ZBTB49: variants seen among roughly 807,000 people sequenced by gnomAD.
ZBTB49 encodes zinc finger and BTB domain-containing protein 49.
Under a neutral mutation model 57.5 loss-of-function variants are expected in ZBTB49, and 43 were observed. The observed-to-expected ratio is 0.75, with a 90% CI of 0.59 to 0.97. The LOEUF (loss-of-function observed/expected upper bound fraction) is 0.97. Ranked by LOEUF, ZBTB49 falls within the 50% of genes least tolerant of loss-of-function variation. ZBTB49 has a pLI of 0.00. For missense variants in ZBTB49, 938 were observed against 947.7 expected (o/e 0.99, Z 0.13); for synonymous variants, 369 against 362.1 (o/e 1.02, Z -0.22).
chr4:4,310,511 A>ATTTT (rs66523167), intron 4 of ZBTB49, among the ~76,000 whole-genome samples: 8 of 141,358 alleles, frequency 5.7e-5, no homozygotes, highest in African/African-American at 7.8e-5. Context: ...ACTTGCTAGA[A>ATTTT]TTTTTTTTTT....
At chr4:4,291,071 C>G (rs1257181853) in intron 1 of ZBTB49, among the ~76,000 whole-genome samples, 1 of 152,196 alleles carries the variant, frequency 6.6e-6, no homozygotes, top group African/African-American at 2.4e-5. Flanking sequence ...GAAACCTTCA[C>G]TCCCAAGGTG....
At chr4:4,305,696 C>T (rs1720704131) in intron 3 of ZBTB49, among the ~76,000 whole-genome samples, 1 of 152,202 alleles carries the variant, frequency 6.6e-6, no homozygotes, top group Admixed American at 6.5e-5. Context: ...TTCAGGACGA[C>T]CCACTGTGTT....
In ZBTB49 at chr4:4,320,912, C is replaced by G; in HGVS notation, c.1894C>G (p.Leu632Val). 1 of 1,614,218 alleles carries G rather than the reference C, an allele frequency of 6.2e-7. No individual in the cohort carries two copies. Among genetic ancestry groups the G allele is most frequent in the Non-Finnish European group, 8.5e-7 (1 of 1,180,042 alleles). Residue 632 changes from leucine to valine, a missense_variant, in exon 8 of 8, where the codon CTC becomes GTC. By Grantham distance (32) the Leu-to-Val change is conservative (BLOSUM62 1). Coordinates refer to ENST00000337872, the MANE Select transcript of ZBTB49 (RefSeq NM_145291.4). ...GACGCTGATGCCAGTGTCGGTTAAA[C>G]TCCCTGTCCACCCAGTGGAAAATTC... is the stretch of plus-strand genomic sequence containing the variant. ...SVTLMPVSVK[L>V]PVHPVENSVA...
intron 7 of ZBTB49, among the ~76,000 whole-genome samples, chr4:4,317,128 T>C (rs1364264520): frequency 6.6e-6 from 1 of 152,186 alleles, no homozygotes; most frequent in Non-Finnish European, 1.5e-5. Flanking sequence ...TTTGTCCTCC[T>C]TCCCCAGCTA....
At chr4:4,308,637 C>G (rs147200797) in intron 4 of ZBTB49, among the ~76,000 whole-genome samples, 24 of 152,284 alleles carry the variant, frequency 1.6e-4, no homozygotes, top group African/African-American at 5.8e-4. Context: ...GAACAAGGAA[C>G]TGTTTTAATG....
rs759902511 is a variant in ZBTB49 at position 4,321,091 on chromosome 4, T to A, written c.2073T>A (p.Ala691=). 6.2e-7 allele frequency: 1 copy of A among 1,614,180 alleles called. No individual in the cohort carries two copies. Among genetic ancestry groups the A allele is most frequent in the Non-Finnish European group, 8.5e-7 (1 of 1,180,024 alleles). ...QMQQTQPQAY[A]YSDVDTPAGG... ...AGCAGACACAGCCTCAGGCCTATGCTTACTCGGATGTGGACACCCCAGCCG... is the reference window on the plus strand; with the variant it reads ...AGCAGACACAGCCTCAGGCCTATGCATACTCGGATGTGGACACCCCAGCCG... Residue 691 remains alanine, a synonymous_variant, in exon 8 of 8, where the codon GCT becomes GCA. Coordinates refer to ENST00000337872, the MANE Select transcript of ZBTB49 (RefSeq NM_145291.4).
intron 5 of ZBTB49, among the ~76,000 whole-genome samples, chr4:4,314,172 G>A (rs1284733393): frequency 5.3e-5 from 8 of 152,204 alleles, no homozygotes; most frequent in Non-Finnish European, 1.2e-4. Flanking sequence ...CTCCCTTTCT[G>A]CTGTAGCTAC....
chr4:4,293,770 A>C (rs563446736), intron 1 of ZBTB49, among the ~76,000 whole-genome samples: 4 of 152,206 alleles, frequency 2.6e-5, no homozygotes, highest in African/African-American at 9.7e-5. Flanking sequence ...CTCTGTCTCC[A>C]TGTGTTCTCT....
intron 3 of ZBTB49, among the ~76,000 whole-genome samples, chr4:4,305,167 A>AT (rs113170969): frequency 6.6e-6 from 1 of 150,836 alleles, no homozygotes; most frequent in African/African-American, 2.4e-5. Flanking sequence ...TTTATTATTA[A>AT]TATAAATATA....
In ZBTB49 at chr4:4,299,961, AC is replaced by A. The variant is rs1176350980; in HGVS notation, c.19del (p.His7ThrfsTer25). On this transcript the variant is annotated frameshift_variant, in exon 2 of 8. Transcript: ENST00000337872. LOFTEE classifies it high-confidence loss of function. MDPVA[T>X]HSCHLLQQLH... Reference sequence around the variant, plus strand: ...ATGGTTGAGCATGGACCCTGTTGCTACCCACAGCTGCCATCTGCTCCAGCAA... The same window carrying A: ...ATGGTTGAGCATGGACCCTGTTGCTACCACAGCTGCCATCTGCTCCAGCAA... 1 of 1,613,998 alleles carries A rather than the reference AC, an allele frequency of 6.2e-7. No homozygotes were observed. Among genetic ancestry groups the A allele is most frequent in the East Asian group, 2.2e-5 (1 of 44,902 alleles).
intron 1 of ZBTB49, among the ~76,000 whole-genome samples, chr4:4,290,985 AC>A (rs1340375386): frequency 5.3e-5 from 8 of 152,350 alleles, no homozygotes; most frequent in Non-Finnish European, 8.8e-5. Flanking sequence ...GGTCTGGCAC[AC>A]AGTGGTGGTC....
chr4:4,299,668 A>G (rs186235434), intron 1 of ZBTB49, among the ~76,000 whole-genome samples: 323 of 152,276 alleles, frequency 2.1e-3, no homozygotes, highest in African/African-American at 7.5e-3. Flanking sequence ...GTTCTCAGTG[A>G]CCATGTGTGG....
At chr4:4,296,586 G>A (rs1213914670) in intron 1 of ZBTB49, among the ~76,000 whole-genome samples, 1 of 152,216 alleles carries the variant, frequency 6.6e-6, no homozygotes, top group Non-Finnish European at 1.5e-5. Flanking sequence ...GGAACTGTAA[G>A]TCTAATAAAC....
At chr4:4,317,440 C>T (rs1259508182) in intron 7 of ZBTB49, among the ~76,000 whole-genome samples, 1 of 152,110 alleles carries the variant, frequency 6.6e-6, no homozygotes, top group Non-Finnish European at 1.5e-5. Flanking sequence ...AATTTTAGAA[C>T]ATTTTCATCA....
rs1406680627 is a variant in ZBTB49 at position 4,321,430 on chromosome 4, G to A, written c.*114G>A. On this transcript the variant is annotated 3_prime_UTR_variant, in exon 8 of 8. Coordinates refer to ENST00000337872, the MANE Select transcript of ZBTB49 (RefSeq NM_145291.4). ...TGCCTTCTAACTAGCCAGAGAATAG[G>A]TAGCTTCCCTCCTGATGATGGCTCA... 11 of 1,095,928 alleles carry A rather than the reference G, an allele frequency of 1.0e-5. No individual in the cohort carries two copies. The highest frequency in any genetic ancestry group is 2.7e-4 in the Middle Eastern group (1 of 3,690). 67.9% of individuals were successfully genotyped at this position (1,095,928 alleles called of 1,614,324 possible).
chr4:4,317,766 T>TA (rs1693404270), intron 7 of ZBTB49, among the ~76,000 whole-genome samples: 1 of 152,168 alleles, frequency 6.6e-6, no homozygotes, highest in Non-Finnish European at 1.5e-5. Flanking sequence ...CTCGCTGTCT[T>TA]ATGCGTGCTG....
intron 4 of ZBTB49, among the ~76,000 whole-genome samples, chr4:4,306,984 T>C (rs1446978206): frequency 2.0e-5 from 3 of 152,208 alleles, no homozygotes; most frequent in Non-Finnish European, 4.4e-5. Context: ...CCGCAGAGCT[T>C]GGAAATGGCA....
intron 4 of ZBTB49, among the ~76,000 whole-genome samples, chr4:4,311,768 G>A (rs2108892286): frequency 6.6e-6 from 1 of 152,258 alleles, no homozygotes; most frequent in Middle Eastern, 3.4e-3. Context: ...TTAAAAGCTG[G>A]ACATTTTCCA....
At chr4:4,306,779 C>G (rs1453087008) in intron 4 of ZBTB49, among the ~76,000 whole-genome samples, 1 of 152,208 alleles carries the variant, frequency 6.6e-6, no homozygotes, top group Non-Finnish European at 1.5e-5. Flanking sequence ...TTGTGGGAAC[C>G]TATTCTTTCT....
Sources: allele counts gnomAD v4.1 joint callset (sites outside exome capture counted in the v4.1 genomes callset), GRCh38; gene constraint gnomAD v4.1.1; transcripts MANE v1.5; gene names NCBI Gene and HGNC (gene_info 2026-07-23, HGNC 2026-07-21).